MACROD2: variants seen among roughly 807,000 people sequenced by gnomAD.
MACROD2 encodes the protein ADP-ribose glycohydrolase MACROD2.
In MACROD2, 36 loss-of-function variants were observed where a neutral mutation model predicts 70.4. That is an observed-to-expected ratio of 0.51 (90% confidence interval 0.39 to 0.68). The LOEUF is 0.68. MACROD2 is among the 30% of genes least tolerant of loss of function. The pLI is 0.00. For missense variants in MACROD2, 496 were observed against 538.4 expected (o/e 0.92, Z 0.78); for synonymous variants, 172 against 178.8 (o/e 0.96, Z 0.30).
intron 9 of MACROD2, among the ~76,000 whole-genome samples, chr20:15,881,239 C>T (rs1462294360): frequency 1.3e-5 from 2 of 151,976 alleles, no homozygotes; most frequent in Non-Finnish European, 2.9e-5. Flanking sequence ...AGTGAGACAG[C>T]AGTATTGCAG....
At chr20:14,895,611 G>A (rs1197328569) in intron 5 of MACROD2, 1 of 152,172 alleles carries the variant, frequency 6.6e-6, no homozygotes, top group Admixed American at 6.5e-5. Flanking sequence ...TTTCCAGATG[G>A]TGTTTACATC....
At chr20:14,972,063 C>A (rs1307845952) in intron 5 of MACROD2, among the ~76,000 whole-genome samples, 3 of 152,214 alleles carry the variant, frequency 2.0e-5, no homozygotes, top group Non-Finnish European at 4.4e-5. Flanking sequence ...TACTCCTCTA[C>A]CCTCACTATC....
chr20:15,397,575 G>A (rs1204372692), intron 6 of MACROD2, among the ~76,000 whole-genome samples: 2 of 152,162 alleles, frequency 1.3e-5, no homozygotes, highest in African/African-American at 4.8e-5. Flanking sequence ...GGGATTACAG[G>A]TGTGAGCCAC....
intron 6 of MACROD2, among the ~76,000 whole-genome samples, chr20:15,355,534 G>A (rs2146233281): frequency 6.6e-6 from 1 of 152,228 alleles, no homozygotes; most frequent in South Asian, 2.1e-4. Context: ...TTTTATTGAG[G>A]TTTCATTACA....
intron 5 of MACROD2, among the ~76,000 whole-genome samples, chr20:15,094,721 T>C (rs1439764060): frequency 2.0e-5 from 3 of 152,210 alleles, no homozygotes; most frequent in Non-Finnish European, 2.9e-5. Context: ...TCTCCCTGTG[T>C]ATTTTAAAAT....
chr20:14,051,227 CATA>C (rs2148648847), intron 2 of MACROD2, among the ~76,000 whole-genome samples: 1 of 152,148 alleles, frequency 6.6e-6, no homozygotes, highest in Non-Finnish European at 1.5e-5. Context: ...TTTTAAAATA[CATA>C]ATGTTGTTTT....
chr20:14,801,171 T>C (rs2072571018), intron 5 of MACROD2, among the ~76,000 whole-genome samples: 1 of 152,188 alleles, frequency 6.6e-6, no homozygotes, highest in South Asian at 2.1e-4. Flanking sequence ...TTTGTTTTCT[T>C]CCCAAATTAG....
At chr20:14,765,154 C>A (rs560297532) in intron 5 of MACROD2, among the ~76,000 whole-genome samples, 1 of 152,232 alleles carries the variant, frequency 6.6e-6, no homozygotes, top group Admixed American at 6.5e-5. Flanking sequence ...AACAGTGACC[C>A]CACTCATTAG....
chr20:14,211,860 A>G (rs59437935), intron 3 of MACROD2, among the ~76,000 whole-genome samples: 1,799 of 152,228 alleles, frequency 0.012, 30 homozygotes, highest in African/African-American at 0.04. Context: ...GGTAATAGTC[A>G]CTACAGTGCT....
rs188699767 is a variant in MACROD2 at position 14,048,259 on chromosome 20, A to G, written c.164-37362A>G. The stretch of plus-strand genomic sequence containing the variant: ...GACTGAAACTAGAGGTTTATATAGC[A>G]GGGAAGAAATGTAACAATATGCAAG... On this transcript the variant is annotated intron_variant, in intron 2 of 17. Coordinates refer to ENST00000684519, the MANE Select transcript of MACROD2 (RefSeq NM_001351661.2). Among the ~76,000 whole-genome samples the G allele has an allele frequency of 3.0e-4, 45 of 152,320 alleles. No homozygotes were observed. In the East Asian group the frequency reaches 7.1e-3, roughly 24 times the overall value.
At chr20:15,721,764 G>A (rs2146935635) in intron 8 of MACROD2, among the ~76,000 whole-genome samples, 1 of 152,230 alleles carries the variant, frequency 6.6e-6, no homozygotes, top group African/African-American at 2.4e-5. Flanking sequence ...ACATAAAAGA[G>A]TGCATAGAAT....
At chr20:14,411,709 T>C (rs1416482211) in intron 3 of MACROD2, among the ~76,000 whole-genome samples, 2 of 152,064 alleles carry the variant, frequency 1.3e-5, no homozygotes, top group African/African-American at 4.8e-5. Context: ...TATTTTCTCA[T>C]CTTGTTTTAT....
At chr20:14,226,232 G>C (rs1339985323) in intron 3 of MACROD2, among the ~76,000 whole-genome samples, 1 of 152,216 alleles carries the variant, frequency 6.6e-6, no homozygotes, top group African/African-American at 2.4e-5. Context: ...GTCTGTGATG[G>C]CGCAGTAAGG....
In MACROD2 at chr20:14,914,576, A is replaced by G. The variant is rs185797085; in HGVS notation, c.418+229617A>G. The stretch of plus-strand genomic sequence containing the variant: ...TACAATGTGATTCTCCTAAGAAACC[A>G]TAAAAGAGCAGTTAGGGATCCATCC... On this transcript the variant is annotated intron_variant, in intron 5 of 17. Coordinates refer to ENST00000684519, the MANE Select transcript of MACROD2 (RefSeq NM_001351661.2). Among the ~76,000 whole-genome samples the G allele has an allele frequency of 3.3e-5, 5 of 152,342 alleles. No homozygotes were observed. In the East Asian group the frequency reaches 5.8e-4, roughly 18 times the overall value.
chr20:15,220,295 T>A (rs2145964078), intron 5 of MACROD2, among the ~76,000 whole-genome samples: 1 of 152,342 alleles, frequency 6.6e-6, no homozygotes. Context: ...TCGGGCCAAC[T>A]TTTATTTAAT....
chr20:15,522,899 A>G (rs762036482), intron 8 of MACROD2, among the ~76,000 whole-genome samples: 144 of 152,336 alleles, frequency 9.5e-4, no homozygotes, highest in Non-Finnish European at 2.8e-4. Context: ...TGAAAATGAC[A>G]GTATGACACA....
chr20:14,201,796 G>C (rs928756261), intron 3 of MACROD2, among the ~76,000 whole-genome samples: 1 of 149,408 alleles, frequency 6.7e-6, no homozygotes, highest in Non-Finnish European at 1.5e-5. Flanking sequence ...CTGAGACTGC[G>C]CCACTGCACT....
intron 12 of MACROD2, among the ~76,000 whole-genome samples, chr20:15,948,162 T>C (rs2065851576): frequency 1.3e-5 from 2 of 151,984 alleles, no homozygotes; most frequent in South Asian, 4.1e-4. Flanking sequence ...CCTTTAAGCA[T>C]GGGGCTTGCA....
intron 12 of MACROD2, among the ~76,000 whole-genome samples, chr20:15,958,740 G>A (rs2066015068): frequency 6.6e-6 from 1 of 152,160 alleles, no homozygotes; most frequent in African/African-American, 2.4e-5. Flanking sequence ...TGGTATTTGG[G>A]GATAGGACCT....
Sources: gnomAD v4.1 joint callset for allele counts (sites outside exome capture counted in the v4.1 genomes callset) on GRCh38, gnomAD v4.1.1 for gene constraint, MANE v1.5 for transcripts, NCBI Gene and HGNC (gene_info 2026-07-23, HGNC 2026-07-21) for gene names.